Variants in ARHGAP15 observed in about 807,000 individuals in gnomAD.
The protein encoded by ARHGAP15 is Rho GTPase activating protein 15.
In ARHGAP15, 51 loss-of-function variants were observed where a neutral mutation model predicts 63.7. The observed-to-expected ratio is 0.80, with a 90% CI of 0.64 to 1.01. The LOEUF (loss-of-function observed/expected upper bound fraction) is 1.01, where lower values mean the gene tolerates loss of function less well. Among genes scored for constraint, ARHGAP15 ranks in the 50% least tolerant of loss-of-function variants. ARHGAP15 has a pLI of 0.00. For missense variants in ARHGAP15, 560 were observed against 564.6 expected (o/e 0.99, Z 0.08); for synonymous variants, 191 against 193.8 (o/e 0.99, Z 0.12).
intron 3 of ARHGAP15, among the ~76,000 whole-genome samples, chr2:143,202,860 T>C (rs1692176630): frequency 6.6e-6 from 1 of 152,118 alleles, no homozygotes; most frequent in Admixed American, 6.6e-5. Context: ...TGTATTGTTA[T>C]ATCCTAGTGA....
At chr2:143,502,266 G>A (rs1179368381) in intron 9 of ARHGAP15, among the ~76,000 whole-genome samples, 2 of 151,846 alleles carry the variant, frequency 1.3e-5, no homozygotes, top group Non-Finnish European at 2.9e-5. Context: ...AAAATTAGCT[G>A]AGTGTGGTGG....
At chr2:143,137,156 T>G (rs1249703065) in intron 1 of ARHGAP15, among the ~76,000 whole-genome samples, 1 of 152,116 alleles carries the variant, frequency 6.6e-6, no homozygotes, top group Non-Finnish European at 1.5e-5. Flanking sequence ...TCTGCTTTTG[T>G]TTTCCTTCAT....
intron 6 of ARHGAP15, among the ~76,000 whole-genome samples, chr2:143,339,089 T>A (rs1684938213): frequency 6.6e-6 from 1 of 152,132 alleles, no homozygotes; most frequent in Non-Finnish European, 1.5e-5. Context: ...ATGTCAGACT[T>A]GATTCTAAAG....
intron 6 of ARHGAP15, among the ~76,000 whole-genome samples, chr2:143,312,207 T>C (rs1683479487): frequency 6.6e-6 from 1 of 152,158 alleles, no homozygotes; most frequent in South Asian, 2.1e-4. Context: ...TATCTTTCTA[T>C]AATGGCATCT....
chr2:143,680,257 G>A (rs1683040793), intron 12 of ARHGAP15, among the ~76,000 whole-genome samples: 1 of 152,138 alleles, frequency 6.6e-6, no homozygotes, highest in South Asian at 2.1e-4. Context: ...CATTTTGACA[G>A]GTAACCATTG....
intron 13 of ARHGAP15, chr2:143,767,003 T>TA (rs373023078): frequency 4.6e-5 from 7 of 152,272 alleles, no homozygotes; most frequent in South Asian, 2.1e-4. Flanking sequence ...CACTGTCCTG[T>TA]AAAAAAGTGT....
rs530964976 is a variant in ARHGAP15 at position 143,197,284 on chromosome 2, A to G, written c.166-4850A>G. Among the ~76,000 whole-genome samples, 8 of 152,124 alleles carry G rather than the reference A, an allele frequency of 5.3e-5. No individual in the cohort carries two copies. The South Asian group carries it at 1.5e-3, about 28-fold the overall frequency. ...TGAAATGTTTTCTGGGTATAAATAA[A>G]TGGTTCATAAGGACATCTAATGTTT... On this transcript the variant is annotated intron_variant, in intron 2 of 13. Transcript: ENST00000295095.
chr2:143,374,662 C>T (rs537425218), intron 6 of ARHGAP15, among the ~76,000 whole-genome samples: 44 of 152,180 alleles, frequency 2.9e-4, no homozygotes, highest in Non-Finnish European at 5.1e-4. Context: ...ACCACCACAC[C>T]TGGCTAATTT....
intron 10 of ARHGAP15, among the ~76,000 whole-genome samples, chr2:143,543,609 T>G (rs895554227): frequency 6.6e-6 from 1 of 151,944 alleles, no homozygotes; most frequent in Non-Finnish European, 1.5e-5. Context: ...ATATTTTCTT[T>G]CCATGACAAT....
intron 12 of ARHGAP15, among the ~76,000 whole-genome samples, chr2:143,686,619 GA>G (rs1428509550): frequency 6.6e-6 from 1 of 152,014 alleles, no homozygotes; most frequent in Non-Finnish European, 1.5e-5. Flanking sequence ...ATTTTATTGT[GA>G]AAATGGTATA....
intron 11 of ARHGAP15, among the ~76,000 whole-genome samples, chr2:143,602,701 C>A (rs4662209): frequency 0.79 from 119,589 of 152,022 alleles, 47,324 homozygotes; most frequent in East Asian, 0.99. Context: ...AGACACACTG[C>A]ACTCCCTCAC....
chr2:143,360,085 T>A (rs1415620244), intron 6 of ARHGAP15, among the ~76,000 whole-genome samples: 1 of 151,974 alleles, frequency 6.6e-6, no homozygotes, highest in Non-Finnish European at 1.5e-5. Context: ...TCCTATAAAA[T>A]CACATTTCAG....
At chr2:143,360,186 C>T (rs1216320059) in intron 6 of ARHGAP15, among the ~76,000 whole-genome samples, 1 of 150,842 alleles carries the variant, frequency 6.6e-6, no homozygotes, top group East Asian at 1.9e-4. Context: ...AGGAACCAGC[C>T]TGATCAAAAT....
intron 10 of ARHGAP15, among the ~76,000 whole-genome samples, chr2:143,556,066 A>G (rs1695782860): frequency 6.6e-6 from 1 of 152,074 alleles, no homozygotes; most frequent in African/African-American, 2.4e-5. Flanking sequence ...TACCTTGCAG[A>G]AAAAAGGCAA....
intron 6 of ARHGAP15, among the ~76,000 whole-genome samples, chr2:143,400,533 T>G (rs1005327678): frequency 6.6e-6 from 1 of 151,960 alleles, no homozygotes; most frequent in Non-Finnish European, 1.5e-5. Context: ...CATAAAAATA[T>G]GCAAGTGCCA....
At chr2:143,294,559 GACC>G (rs1396055739) in intron 6 of ARHGAP15, among the ~76,000 whole-genome samples, 1 of 152,018 alleles carries the variant, frequency 6.6e-6, no homozygotes, top group Non-Finnish European at 1.5e-5. Flanking sequence ...TGGCTTCTAA[GACC>G]ACTGTTTCTC....
intron 6 of ARHGAP15, among the ~76,000 whole-genome samples, chr2:143,260,711 A>G (rs149049680): frequency 6.6e-6 from 1 of 152,268 alleles, no homozygotes; most frequent in African/African-American, 2.4e-5. Flanking sequence ...AAGATTTTCA[A>G]TCTGTGAATA....
intron 10 of ARHGAP15, among the ~76,000 whole-genome samples, chr2:143,531,981 T>A (rs1389731746): frequency 6.6e-6 from 1 of 152,198 alleles, no homozygotes; most frequent in African/African-American, 2.4e-5. Context: ...CAGACAGATG[T>A]TAAGATCAAG....
chr2:143,671,946 A>G lies in ARHGAP15; in HGVS notation c.1139-31473A>G, dbSNP rs533597841. On this transcript the variant is annotated intron_variant, in intron 12 of 13. Coordinates refer to ENST00000295095, the MANE Select transcript of ARHGAP15 (RefSeq NM_018460.4). ...ATAAGCTGAAGATAAGAGAATTGTC[A>G]TTCTTGATCTATTCAGGTTCCATAA... Among the ~76,000 whole-genome samples, 3 of 152,304 alleles carry G rather than the reference A, an allele frequency of 2.0e-5. No homozygotes were observed. In the South Asian group the frequency reaches 6.2e-4, roughly 32 times the overall value.
Sources: allele counts gnomAD v4.1 joint callset (sites outside exome capture counted in the v4.1 genomes callset), GRCh38; gene constraint gnomAD v4.1.1; transcripts MANE v1.5; gene names NCBI Gene and HGNC (gene_info 2026-07-23, HGNC 2026-07-21).